The following EVA1C variants were observed in gnomAD, a reference collection of about 807,000 sequenced individuals.
EVA1C encodes the protein eva-1 homolog C.
Under a neutral mutation model 45.4 loss-of-function variants are expected in EVA1C, and 25 were observed. That is an observed-to-expected ratio of 0.55 (90% CI 0.40 to 0.77). The LOEUF is 0.77. Ranked by LOEUF, EVA1C falls within the 30% of genes least tolerant of loss-of-function variation. EVA1C has a pLI of 0.00. For synonymous variants in EVA1C, 190 were observed against 221.2 expected, an observed-to-expected ratio of 0.86 and a Z score of 1.25; for missense variants, 479 against 554.8, an observed-to-expected ratio of 0.86 and a Z score of 1.37.
At chr21:32,492,083 C>T (rs2037178965) in intron 4 of EVA1C, among the ~76,000 whole-genome samples, 1 of 152,032 alleles carries the variant, frequency 6.6e-6, no homozygotes, top group Admixed American at 6.6e-5. Context: ...AAAAATATAT[C>T]AGAATTTCCA....
intron 6 of EVA1C, among the ~76,000 whole-genome samples, chr21:32,501,989 TTTCTTTCTTTCTTTC>T (rs2037548735): frequency 6.2e-4 from 1 of 1,610 alleles, no homozygotes; most frequent in Non-Finnish European, 1.9e-3. Context: ...CGCTCTTTTC[TTTCTTTCTTTCTTTC>T]TTTCTTTCTT....
chr21:32,448,505 G>C (rs921732408), intron 1 of EVA1C, among the ~76,000 whole-genome samples: 29 of 152,090 alleles, frequency 1.9e-4, no homozygotes, highest in Admixed American at 1.9e-3. Context: ...CCTCCCTAAC[G>C]CTAGCTCCTC....
chr21:32,442,343 T>G (rs1375044620), intron 1 of EVA1C, among the ~76,000 whole-genome samples: 1 of 152,106 alleles, frequency 6.6e-6, no homozygotes, highest in Non-Finnish European at 1.5e-5. Context: ...GTCTCACACC[T>G]GGGACTAGAG....
intron 4 of EVA1C, among the ~76,000 whole-genome samples, chr21:32,472,366 C>T (rs1331494865): frequency 6.6e-6 from 1 of 152,084 alleles, no homozygotes; most frequent in African/African-American, 2.4e-5. Context: ...ACCATGTTGG[C>T]CAGGCTGGTC....
intron 1 of EVA1C, among the ~76,000 whole-genome samples, chr21:32,448,791 CCTAG>C (rs2035457328): frequency 6.6e-6 from 1 of 151,818 alleles, no homozygotes; most frequent in Admixed American, 6.6e-5. Flanking sequence ...TGCCTGTAAT[CCTAG>C]CTACTTGGGA....
At chr21:32,460,821 C>G (rs934756996) in intron 3 of EVA1C, among the ~76,000 whole-genome samples, 1 of 151,114 alleles carries the variant, frequency 6.6e-6, no homozygotes, top group Non-Finnish European at 1.5e-5. Flanking sequence ...TCTTGGCTCA[C>G]TGCAACCTCT....
At chr21:32,488,806 G>A (rs1342356504) in intron 4 of EVA1C, among the ~76,000 whole-genome samples, 1 of 152,124 alleles carries the variant, frequency 6.6e-6, no homozygotes, top group Non-Finnish European at 1.5e-5. Flanking sequence ...GGCTGGTCTC[G>A]AACTCCTGAC....
At chr21:32,419,437 G>A (rs912075227) in intron 1 of EVA1C, among the ~76,000 whole-genome samples, 3 of 152,158 alleles carry the variant, frequency 2.0e-5, no homozygotes, top group Admixed American at 6.5e-5. Flanking sequence ...ACTGATGGCC[G>A]GGCACTGTGG....
At chr21:32,426,840 G>A (rs2833816) in intron 1 of EVA1C, among the ~76,000 whole-genome samples, 24,234 of 152,078 alleles carry the variant, frequency 0.16, 2,232 homozygotes, top group Admixed American at 0.24. Flanking sequence ...GCCAAACACA[G>A]GGAAAATATA....
intron 1 of EVA1C, among the ~76,000 whole-genome samples, chr21:32,436,690 C>T (rs565664578): frequency 6.6e-6 from 1 of 152,286 alleles, no homozygotes; most frequent in Non-Finnish European, 1.5e-5. Flanking sequence ...ACATAGTAGG[C>T]TTCCCTTATG....
intron 7 of EVA1C, among the ~76,000 whole-genome samples, chr21:32,509,109 C>T (rs1289845095): frequency 1.3e-5 from 2 of 152,196 alleles, no homozygotes; most frequent in Non-Finnish European, 2.9e-5. Context: ...ATGGAGAGAG[C>T]CCTGGCCTGA....
chr21:32,488,734 C>T lies in EVA1C; in HGVS notation c.635-6293C>T, dbSNP rs186873244. Among the ~76,000 whole-genome samples the T allele has an allele frequency of 9.3e-3, 1,420 of 152,138 alleles. 30 individuals are homozygous for T. Among genetic ancestry groups the T allele is most frequent in the African/African-American group, 0.032 (1,345 of 41,500 alleles). The stretch of plus-strand genomic sequence containing the variant: ...CCTAGTAGCTGGGATTACAGGCACA[C>T]GCCACCACACCTGGCTAATATTTGT... On this transcript the variant is annotated intron_variant, in intron 4 of 7. Transcript: ENST00000300255.
intron 4 of EVA1C, among the ~76,000 whole-genome samples, chr21:32,491,108 T>C (rs914289727): frequency 2.0e-5 from 3 of 152,116 alleles, no homozygotes; most frequent in Non-Finnish European, 4.4e-5. Context: ...GACTGCCGCC[T>C]GGGAGATGGT....
intron 1 of EVA1C, among the ~76,000 whole-genome samples, chr21:32,425,853 A>G (rs1477139360): frequency 6.6e-6 from 1 of 152,200 alleles, no homozygotes; most frequent in Non-Finnish European, 1.5e-5. Flanking sequence ...GCGCCCCCAC[A>G]GCAAAGAATC....
intron 4 of EVA1C, among the ~76,000 whole-genome samples, chr21:32,481,179 G>A (rs1405817703): frequency 8.6e-5 from 13 of 151,982 alleles, no homozygotes; most frequent in Non-Finnish European, 1.6e-4. Context: ...AGGAAAAAAC[G>A]ATACTACTTA....
chr21:32,478,988 C>T (rs1283437768), intron 4 of EVA1C, among the ~76,000 whole-genome samples: 3 of 152,258 alleles, frequency 2.0e-5, no homozygotes, highest in South Asian at 2.1e-4. Flanking sequence ...AGCAGCCAGC[C>T]TTATTATCTA....
At position 32,495,105 on chromosome 21, in the gene EVA1C, A is replaced by G. The variant is rs747965394; in HGVS notation, c.713A>G (p.Asn238Ser). Reference protein sequence around the residue: ...GKQRCKIIVNNHHFGSPCLPG... With the variant: ...GKQRCKIIVNSHHFGSPCLPG... ...CAGAGATGCAAAATCATCGTCAACA[A>G]TCACCATTTTGGAAGCCCCTGTTTG... The change falls in exon 5 of 8, where the codon AAT (asparagine) becomes AGT (serine). Residue 238 changes from asparagine to serine, a missense_variant. Physicochemically the swap from Asn to Ser is conservative, Grantham distance 46 (BLOSUM62 1). This residue lies in a region of EVA1C where 366 missense variants were observed against 426.1 expected (regional missense o/e 0.86). Transcript: ENST00000300255. 2.5e-6 allele frequency: 4 copies of G among 1,613,992 alleles called. No homozygotes were observed. Among genetic ancestry groups the G allele is most frequent in the Non-Finnish European group, 3.4e-6 (4 of 1,180,044 alleles).
At chr21:32,440,838 C>T (rs2035147872) in intron 1 of EVA1C, among the ~76,000 whole-genome samples, 1 of 152,212 alleles carries the variant, frequency 6.6e-6, no homozygotes, top group South Asian at 2.1e-4. Flanking sequence ...CAGTGGCTCA[C>T]ACCTGTAATC....
chr21:32,477,994 G>A (rs1345445064), intron 4 of EVA1C, among the ~76,000 whole-genome samples: 1 of 140,316 alleles, frequency 7.1e-6, no homozygotes, highest in South Asian at 2.6e-4. Context: ...TGCTGTCACC[G>A]CCACCATACA....
Sources: allele counts gnomAD v4.1 joint callset (sites outside exome capture counted in the v4.1 genomes callset), GRCh38; gene constraint gnomAD v4.1.1; regional missense constraint gnomAD v4.1.1; transcripts MANE v1.5; gene names NCBI Gene and HGNC (gene_info 2026-07-23, HGNC 2026-07-21).